Variants in ESR2 observed in about 807,000 individuals in gnomAD.
ESR2 encodes the protein estrogen receptor 2.
A neutral mutation model predicts 49.6 loss-of-function variants in ESR2; 36 were observed. That is an observed-to-expected ratio of 0.73 (90% CI 0.56 to 0.96). The LOEUF (loss-of-function observed/expected upper bound fraction) is 0.96. ESR2 is among the 40% of genes least tolerant of loss of function. ESR2 has a pLI of 0.00. For synonymous variants in ESR2, 320 were observed against 266.1 expected (o/e 1.20, Z -1.97); for missense variants, 714 against 693.0 (o/e 1.03, Z -0.34).
intron 1 of ESR2, among the ~76,000 whole-genome samples, chr14:64,320,817 C>A (rs1283419610): frequency 6.6e-6 from 1 of 152,040 alleles, no homozygotes; most frequent in African/African-American, 2.4e-5. Flanking sequence ...ATCTTTTGAA[C>A]CCAGGAGGCG....
chr14:64,293,662 CT>C (rs1250805796), intron 1 of ESR2, among the ~76,000 whole-genome samples: 6 of 152,190 alleles, frequency 3.9e-5, no homozygotes, highest in Non-Finnish European at 8.8e-5. Context: ...ATCATCTTGC[CT>C]GAGACGTGTA....
At chr14:64,270,047 A>C (rs2076408048) in intron 3 of ESR2, among the ~76,000 whole-genome samples, 1 of 152,102 alleles carries the variant, frequency 6.6e-6, no homozygotes, top group Non-Finnish European at 1.5e-5. Flanking sequence ...AATAGATGAG[A>C]AGCAAAAGTG....
At chr14:64,323,940 C>T (rs911723902) in intron 1 of ESR2, among the ~76,000 whole-genome samples, 19 of 152,218 alleles carry the variant, frequency 1.2e-4, no homozygotes, top group African/African-American at 4.6e-4. Context: ...GATCAGCCCA[C>T]CTCAGCCTCC....
rs551720933 is a variant in ESR2 at position 64,280,561 on chromosome 14, A to G, written c.363-408T>C. ...CTTCTGTAGTTACTAGAGTTCACGAATGCTGCATGGATGGGTGTGAAGGCA... is the reference window on the plus strand; with the variant it reads ...CTTCTGTAGTTACTAGAGTTCACGAGTGCTGCATGGATGGGTGTGAAGGCA... On this transcript the variant is annotated intron_variant, in intron 2 of 8. Coordinates refer to ENST00000341099, the MANE Select transcript of ESR2 (RefSeq NM_001437.3). Among the ~76,000 whole-genome samples the G allele has an allele frequency of 3.3e-5, 5 of 152,346 alleles. No homozygotes were observed. The South Asian group carries it at 1.0e-3, about 32-fold the overall frequency.
intron 7 of ESR2, among the ~76,000 whole-genome samples, chr14:64,241,296 G>A (rs1409683854): frequency 6.6e-6 from 1 of 152,178 alleles, no homozygotes; most frequent in African/African-American, 2.4e-5. Flanking sequence ...AGGAACATCT[G>A]TAGTTGTATA....
intron 3 of ESR2, among the ~76,000 whole-genome samples, chr14:64,272,798 G>A (rs984535246): frequency 1.3e-5 from 2 of 152,124 alleles, no homozygotes; most frequent in African/African-American, 4.8e-5. Flanking sequence ...GTCAGGTAAT[G>A]TGATTCTTCC....
intron 1 of ESR2, among the ~76,000 whole-genome samples, chr14:64,288,664 T>TA (rs1276413463): frequency 1.3e-5 from 2 of 151,272 alleles, no homozygotes; most frequent in African/African-American, 4.8e-5. Flanking sequence ...GACTGGTTTT[T>TA]ATCAAAGCAC....
chr14:64,294,961 C>G (rs529775841), upstream of ESR2, among the ~76,000 whole-genome samples: 1 of 152,316 alleles, frequency 6.6e-6, no homozygotes, highest in African/African-American at 2.4e-5. Context: ...CCTGTGCCTC[C>G]GGCCACGGCG....
chr14:64,294,922 C>G (rs2076934775), upstream of ESR2, among the ~76,000 whole-genome samples: 1 of 152,226 alleles, frequency 6.6e-6, no homozygotes, highest in Non-Finnish European at 1.5e-5. Flanking sequence ...GGTACTTCCT[C>G]GAACTCACTT....
upstream of ESR2, among the ~76,000 whole-genome samples, chr14:64,297,237 G>T (rs959885126): frequency 6.6e-6 from 1 of 152,208 alleles, no homozygotes; most frequent in Non-Finnish European, 1.5e-5. Context: ...ATTAAGTCAT[G>T]TTATATATGA....
At chr14:64,258,453 C>T (rs1037573956) in intron 5 of ESR2, among the ~76,000 whole-genome samples, 4 of 152,138 alleles carry the variant, frequency 2.6e-5, no homozygotes, top group Non-Finnish European at 5.9e-5. Context: ...GACTCTGGTT[C>T]GAACCCCAGC....
intron 1 of ESR2, among the ~76,000 whole-genome samples, chr14:64,307,379 T>A (rs1288767084): frequency 6.7e-6 from 1 of 150,014 alleles, no homozygotes; most frequent in South Asian, 2.1e-4. Context: ...GCCCAGCTAA[T>A]TTTTTTTGTA....
At chr14:64,311,325 C>G (rs1317303566) in intron 1 of ESR2, among the ~76,000 whole-genome samples, 4 of 152,074 alleles carry the variant, frequency 2.6e-5, no homozygotes, top group African/African-American at 9.7e-5. Context: ...GCTGGTAGAA[C>G]AATTTTGCTT....
chr14:64,240,707 TTG>T (rs2075703086), intron 7 of ESR2, among the ~76,000 whole-genome samples: 3 of 152,320 alleles, frequency 2.0e-5, no homozygotes, highest in African/African-American at 7.2e-5. Context: ...CATACAACCA[TTG>T]TGTTTTTTCG....
intron 5 of ESR2, chr14:64,260,229 A>G (rs775417335): frequency 5.3e-6 from 4 of 752,752 alleles, no homozygotes; most frequent in Non-Finnish European, 9.8e-6. Context: ...AGAACTCAGA[A>G]GAGTCTCAGA....
At chr14:64,227,711 C>T, downstream of ESR2, 2 of 1,594,032 alleles carry the variant, frequency 1.3e-6, no homozygotes, top group Non-Finnish European at 1.7e-6. Context: ...TTTGTCTCTT[C>T]CTCAGGATAA....
chr14:64,332,417 T>C (rs549897646), intron 1 of ESR2: 7 of 152,344 alleles, frequency 4.6e-5, no homozygotes, highest in African/African-American at 1.7e-4. Flanking sequence ...TAAATCTGGA[T>C]AGAAAAGCTT....
rs1760988 is a variant in ESR2, at chr14:64,230,095, A to C, written c.*3042T>G. Among the ~76,000 whole-genome samples the C allele has an allele frequency of 4.0e-4, 60 of 151,400 alleles. No individual in the cohort carries two copies. Among genetic ancestry groups the C allele is most frequent in the South Asian group, 2.1e-3 (10 of 4,788 alleles). ...GGGCGGGAATGGGGTGGGATGGGGCACTGTGGTGGGAGGATCGCTTGAGCC... is the reference window on the plus strand; with the variant it reads ...GGGCGGGAATGGGGTGGGATGGGGCCCTGTGGTGGGAGGATCGCTTGAGCC... On this transcript the variant is annotated 3_prime_UTR_variant, in exon 9 of 9. Coordinates refer to ENST00000341099, the MANE Select transcript of ESR2 (RefSeq NM_001437.3).
chr14:64,251,019 GC>G (rs1454168067), intron 6 of ESR2, among the ~76,000 whole-genome samples: 2 of 152,144 alleles, frequency 1.3e-5, no homozygotes. Context: ...AAACACCAGT[GC>G]CCCCTGGAAG....
Sources: gnomAD v4.1 joint callset for allele counts (sites outside exome capture counted in the v4.1 genomes callset) on GRCh38, gnomAD v4.1.1 for gene constraint, MANE v1.5 for transcripts, NCBI Gene and HGNC (gene_info 2026-07-23, HGNC 2026-07-21) for gene names.